Variants in NOL4L observed in about 807,000 individuals in gnomAD.
The protein encoded by NOL4L is nucleolar protein 4-like.
In NOL4L, 7 loss-of-function variants were observed where a neutral mutation model predicts 64.5. The observed-to-expected ratio is 0.11, with a 90% CI of 0.06 to 0.20. The LOEUF (loss-of-function observed/expected upper bound fraction) is 0.20. Ranked by LOEUF, NOL4L falls within the 10% of genes least tolerant of loss-of-function variation. NOL4L has a pLI of 1.00. For missense variants in NOL4L, 680 were observed against 967.1 expected (o/e 0.70, Z 3.94); for synonymous variants, 413 against 401.0 (o/e 1.03, Z -0.36).
chr20:32,507,514 C>T (rs889497606), intron 4 of NOL4L, among the ~76,000 whole-genome samples: 2 of 152,210 alleles, frequency 1.3e-5, no homozygotes, highest in African/African-American at 4.8e-5. Context: ...TAATCTGATA[C>T]AACTGGCCTA....
At chr20:32,494,220 T>TA (rs2016576287) in intron 4 of NOL4L, among the ~76,000 whole-genome samples, 1 of 119,000 alleles carries the variant, frequency 8.4e-6, no homozygotes, top group Admixed American at 1.1e-4. Context: ...GCCACTGCAC[T>TA]CCAGCCTGGG....
At chr20:32,505,592 C>T (rs2017107125) in intron 4 of NOL4L, among the ~76,000 whole-genome samples, 1 of 152,152 alleles carries the variant, frequency 6.6e-6, no homozygotes, top group Non-Finnish European at 1.5e-5. Context: ...TGGTGGTGCT[C>T]ACCTGTGGTC....
At chr20:32,526,300 A>G (rs2018130153) in intron 2 of NOL4L, among the ~76,000 whole-genome samples, 1 of 152,024 alleles carries the variant, frequency 6.6e-6, no homozygotes, top group Admixed American at 6.5e-5. Flanking sequence ...TGGTGGAAAT[A>G]CCCTCAGAAC....
intron 3 of NOL4L, 74 bp from the exon 4 acceptor site, chr20:32,511,530 G>A: frequency 9.3e-7 from 1 of 1,076,466 alleles, no homozygotes; most frequent in Non-Finnish European, 1.4e-6. Flanking sequence ...GCATTTAACA[G>A]AGCCCGTGGA....
At chr20:32,513,869 A>G (rs2017525377) in intron 3 of NOL4L, among the ~76,000 whole-genome samples, 1 of 152,148 alleles carries the variant, frequency 6.6e-6, no homozygotes, top group Non-Finnish European at 1.5e-5. Flanking sequence ...CAAACAAACA[A>G]AATTATTAAA....
Position 32,527,908 on chromosome 20 carries a change from T to A in NOL4L, c.327A>T (p.Ala109=), listed in dbSNP as rs1267441922. Residue 109 remains alanine (A), a synonymous_variant, in exon 2 of 11, where the codon GCA becomes GCT. Transcript: ENST00000621426. ...VYVPVKTGSG[A]DGLSEPEGIS... is the part of the protein sequence containing the mutation. ...TGCCCTCTGGCTCCGACAGGCCATC[T>A]GCCCCCTGCGACAGGGTGGACAAGC... The A allele has an allele frequency of 3.2e-6, 5 of 1,550,120 alleles. No individual in the cohort carries two copies. In the Admixed American group the frequency reaches 7.8e-5, roughly 24 times the overall value.
intron 4 of NOL4L, among the ~76,000 whole-genome samples, chr20:32,504,846 G>A (rs1383602983): frequency 8.5e-5 from 13 of 152,062 alleles, no homozygotes; most frequent in Non-Finnish European, 4.4e-5. Flanking sequence ...TGATACACTC[G>A]CTTCAGCCTC....
chr20:32,581,596 G>A (rs1165177002), intron 1 of NOL4L, among the ~76,000 whole-genome samples: 1 of 152,108 alleles, frequency 6.6e-6, no homozygotes, highest in Admixed American at 6.5e-5. Context: ...CTGTCTGCTG[G>A]ATGACCCAAC....
At chr20:32,473,382 G>A (rs969299272) in intron 5 of NOL4L, among the ~76,000 whole-genome samples, 9 of 152,212 alleles carry the variant, frequency 5.9e-5, no homozygotes, top group Non-Finnish European at 7.3e-5. Flanking sequence ...CCCCACCCCC[G>A]TGGGAACGCT....
At chr20:32,548,422 C>T (rs953766473) in intron 1 of NOL4L, 1 of 152,878 alleles carries the variant, frequency 6.5e-6, no homozygotes, top group Non-Finnish European at 1.5e-5. Context: ...CAGAAGTGGG[C>T]GGAGACACTC....
chr20:32,489,160 G>A (rs1406143788), intron 4 of NOL4L, among the ~76,000 whole-genome samples: 2 of 149,020 alleles, frequency 1.3e-5, no homozygotes, highest in Admixed American at 1.3e-4. Context: ...TAGGGCTTCA[G>A]GTTAAAACAA....
intron 4 of NOL4L, among the ~76,000 whole-genome samples, chr20:32,488,819 T>C (rs1365132012): frequency 2.0e-3 from 36 of 18,000 alleles, no homozygotes; most frequent in African/African-American, 4.7e-3. Flanking sequence ...CTTTCTTTCT[T>C]TCTTTCTTTT....
At chr20:32,515,467 A>G (rs2017611298) in intron 3 of NOL4L, among the ~76,000 whole-genome samples, 1 of 152,072 alleles carries the variant, frequency 6.6e-6, no homozygotes, top group Admixed American at 6.6e-5. Context: ...GTGAGGAGAA[A>G]AGCAGGCAAG....
chr20:32,489,122 CT>C (rs1197352894), intron 4 of NOL4L, among the ~76,000 whole-genome samples: 1 of 141,268 alleles, frequency 7.1e-6, no homozygotes, highest in Non-Finnish European at 1.5e-5. Context: ...TTTATATCAT[CT>C]GATTTTTTTT....
chr20:32,456,157 C>G lies in NOL4L; in HGVS notation c.1080G>C (p.Leu360=). The change falls in exon 6 of 11, where the codon CTG becomes CTC. Residue 360 remains leucine, a synonymous_variant. Transcript: ENST00000621426. ...YPSDGCGADG[L]RSRVKYGVKT... ...TCACCCCGTATTTGACGCGGCTCCG[C>G]AGCCCGTCGGCACCGCAGCCATCCG... 1 of 1,569,626 alleles carries G rather than the reference C, an allele frequency of 6.4e-7. No homozygotes were observed. The highest frequency in any genetic ancestry group is 8.6e-7 in the Non-Finnish European group (1 of 1,156,232).
chr20:32,560,432 AC>A (rs1360351752), intron 1 of NOL4L, among the ~76,000 whole-genome samples: 2 of 152,000 alleles, frequency 1.3e-5, no homozygotes, highest in Non-Finnish European at 2.9e-5. Flanking sequence ...GGACAAACTC[AC>A]CCCCGACCCA....
At chr20:32,483,215 C>T (rs1051726933) in intron 4 of NOL4L, 2 of 322,280 alleles carry the variant, frequency 6.2e-6, no homozygotes, top group Non-Finnish European at 8.9e-6. Flanking sequence ...AAGGAAGCTC[C>T]CCCTGCGCCC....
In NOL4L at chr20:32,446,718, A is replaced by ACAT. The variant is rs2012348938; in HGVS notation, c.*875_*877dup. 1 of 154,090 alleles carries ACAT rather than the reference A, an allele frequency of 6.5e-6. No individual in the cohort carries two copies. The highest frequency in any genetic ancestry group is 2.5e-5 in the African/African-American group (1 of 40,100). 9.5% of individuals were successfully genotyped at this position (154,090 alleles called of 1,614,324 possible). On this transcript the variant is annotated 3_prime_UTR_variant, in exon 11 of 11. Coordinates refer to ENST00000621426, the MANE Select transcript of NOL4L (RefSeq NM_001256798.2). Reference sequence around the variant, plus strand: ...GGACTTACTTACCTCCCAGGCAGACACATTGTGTGGGGGAGTTGGGGTTAC... The same window carrying ACAT: ...GGACTTACTTACCTCCCAGGCAGACACATCATTGTGTGGGGGAGTTGGGGTTAC...
At chr20:32,551,197 G>A (rs965652531) in intron 1 of NOL4L, among the ~76,000 whole-genome samples, 1 of 151,654 alleles carries the variant, frequency 6.6e-6, no homozygotes, top group African/African-American at 2.4e-5. Context: ...CCAACATAGT[G>A]AAACCCCATT....
Sources: gnomAD v4.1 joint callset for allele counts (sites outside exome capture counted in the v4.1 genomes callset) on GRCh38, gnomAD v4.1.1 for gene constraint, MANE v1.5 for transcripts, NCBI Gene and HGNC (gene_info 2026-07-23, HGNC 2026-07-21) for gene names.